The following CDC42BPA variants were observed in gnomAD, a reference collection of about 807,000 sequenced individuals.
CDC42BPA encodes the protein serine/threonine-protein kinase MRCK alpha.
In CDC42BPA, 80 loss-of-function variants were observed where a neutral mutation model predicts 223.5. The ratio of observed to expected loss-of-function variants is 0.36; its 90% CI spans 0.30 to 0.43. The LOEUF (loss-of-function observed/expected upper bound fraction) is 0.43. Ranked by LOEUF, CDC42BPA falls within the 20% of genes least tolerant of loss-of-function variation. The probability of loss-of-function intolerance (pLI) is 1.00; values close to 1 mark genes in which losing one functional copy is unlikely to be tolerated. For missense variants in CDC42BPA, 1,743 were observed against 2,099.9 expected, an observed-to-expected ratio of 0.83 and a Z score of 3.32; for synonymous variants, 694 against 718.6, an observed-to-expected ratio of 0.97 and a Z score of 0.55.
At chr1:227,288,675 G>T (rs1689191593) in intron 1 of CDC42BPA, among the ~76,000 whole-genome samples, 1 of 151,378 alleles carries the variant, frequency 6.6e-6, no homozygotes, top group African/African-American at 2.4e-5. Flanking sequence ...CAGCCTGGGT[G>T]ACAGACCAAG....
At position 227,047,910 on chromosome 1, in the gene CDC42BPA, A is replaced by G. The variant is rs1672778964; in HGVS notation, c.3093+17T>C. ...ATTTTTTTTGGAACACACTATGCTT[A>G]TAACTAGATTGAGTACCTTAGGTGG... On this transcript the variant is annotated intron_variant, in intron 23 of 36. Transcript: ENST00000366766. The G allele has an allele frequency of 2.0e-6, 3 of 1,499,192 alleles. No individual in the cohort carries two copies. The highest frequency in any genetic ancestry group is 2.8e-5 in the African/African-American group (2 of 72,426). 92.9% of individuals were successfully genotyped at this position (1,499,192 alleles called of 1,614,324 possible). A position where few individuals can be genotyped will look rare whatever the true frequency, so the allele number is the denominator to read the frequency against.
chr1:227,183,662 G>A (rs1482875272), intron 5 of CDC42BPA, among the ~76,000 whole-genome samples: 1 of 152,190 alleles, frequency 6.6e-6, no homozygotes, highest in African/African-American at 2.4e-5. Context: ...GAACACACAA[G>A]TACAGATTTT....
chr1:227,298,078 A>G (rs1691016166), intron 1 of CDC42BPA, among the ~76,000 whole-genome samples: 1 of 133,318 alleles, frequency 7.5e-6, no homozygotes, highest in African/African-American at 2.8e-5. Context: ...CAGTGTGACT[A>G]TATACAATGT....
chr1:227,035,594 T>C lies in CDC42BPA; in HGVS notation c.3213A>G (p.Ser1071=). Residue 1071 remains serine (S), a synonymous_variant, in exon 25 of 37, where the codon TCA becomes TCG. Transcript: ENST00000366766. The stretch of plus-strand genomic sequence containing the variant: ...CTTTGTTTACACAAGTTATATGGCA[T>C]GAGAATCCACACACTTTTAGAGGGA... The part of the protein sequence containing the change: ...QGCSCEVCGF[S]CHITCVNKAP... The C allele has an allele frequency of 6.3e-7, 1 of 1,590,256 alleles. No individual in the cohort carries two copies. Among genetic ancestry groups the C allele is most frequent in the Non-Finnish European group, 8.5e-7 (1 of 1,174,526 alleles).
chr1:227,180,612 A>G (rs1051715429), intron 5 of CDC42BPA: 4 of 152,192 alleles, frequency 2.6e-5, no homozygotes, highest in African/African-American at 9.6e-5. Flanking sequence ...AGGACACACA[A>G]TATCAGTTGG....
At chr1:227,259,924 T>C (rs959529261) in intron 1 of CDC42BPA, among the ~76,000 whole-genome samples, 1 of 150,578 alleles carries the variant, frequency 6.6e-6, no homozygotes, top group African/African-American at 2.5e-5. Context: ...ACAAAAAAAA[T>C]TGATTTGGTA....
In CDC42BPA at chr1:227,040,229, G is replaced by A; in HGVS notation, c.3101C>T (p.Thr1034Ile). The A allele has an allele frequency of 1.2e-6, 2 of 1,601,210 alleles. No individual in the cohort carries two copies. The highest frequency in any genetic ancestry group is 4.5e-5 in the East Asian group (2 of 44,706). The change falls in exon 24 of 37, where the codon ACT becomes ATT. Residue 1034 changes from threonine to isoleucine, a missense_variant. Transcript: ENST00000366766. ...AAAAGATTTTACAAAAAACTGGTGA[G>A]TCTTGCGCTGCAAAACAAATTGATA... ...GSTGFPPKRK[T>I]HQFFVKSFTT... is the part of the protein sequence containing the mutation.
chr1:227,273,995 C>CAAAAAAAAAA lies in CDC42BPA; in HGVS notation c.179-19850_179-19841dup, dbSNP rs10599884. 2.3e-3 allele frequency among the ~76,000 whole-genome samples: 132 copies of CAAAAAAAAAA among 57,008 alleles called. 10 individuals are homozygous for CAAAAAAAAAA. The highest frequency in any genetic ancestry group is 3.5e-3 in the Non-Finnish European group (110 of 31,204). 37.4% of individuals were successfully genotyped at this position (57,008 alleles called of 152,430 possible). On this transcript the variant is annotated intron_variant, in intron 1 of 36. Coordinates refer to ENST00000366766, the MANE Select transcript of CDC42BPA (RefSeq NM_001394014.1). ...ATAGTTTTCAAATATTCGTATACAC[C>CAAAAAAAAAA]AAAAAAAAAAAAAAAAAAAAAAAAA...
intron 6 of CDC42BPA, among the ~76,000 whole-genome samples, chr1:227,149,463 ACTGT>A (rs776871071): frequency 7.9e-5 from 12 of 152,176 alleles, no homozygotes; most frequent in African/African-American, 1.7e-4. Flanking sequence ...AAATGAGTAA[ACTGT>A]CTATTATGAG....
intron 30 of CDC42BPA, among the ~76,000 whole-genome samples, chr1:227,026,404 C>T (rs565264229): frequency 6.6e-6 from 1 of 152,286 alleles, no homozygotes; most frequent in South Asian, 2.1e-4. Flanking sequence ...CAGGGGTATA[C>T]TATTTCTTTG....
intron 10 of CDC42BPA, among the ~76,000 whole-genome samples, chr1:227,132,262 GC>G (rs1657281267): frequency 6.6e-6 from 1 of 152,112 alleles, no homozygotes; most frequent in South Asian, 2.1e-4. Context: ...GCCTCAGCCT[GC>G]CGAGTGCCTC....
chr1:227,123,644 A>C (rs1013962686), intron 11 of CDC42BPA, among the ~76,000 whole-genome samples: 1 of 152,262 alleles, frequency 6.6e-6, no homozygotes, highest in Admixed American at 6.5e-5. Flanking sequence ...GAACACTATA[A>C]ACTGGAAAGG....
chr1:227,190,418 C>T (rs7539540), intron 5 of CDC42BPA, among the ~76,000 whole-genome samples: 103,865 of 152,056 alleles, frequency 0.68, 35,697 homozygotes, highest in South Asian at 0.73. Context: ...CAGTGAATAG[C>T]ACAAAGAGTT....
At chr1:227,145,977 T>C (rs1660634614) in intron 7 of CDC42BPA, among the ~76,000 whole-genome samples, 1 of 152,154 alleles carries the variant, frequency 6.6e-6, no homozygotes, top group Non-Finnish European at 1.5e-5. Context: ...GAATACATTG[T>C]ACCTTAGATA....
rs768518291 is a variant in CDC42BPA at position 227,005,155 on chromosome 1, C to CT, written c.4858-45dup. 3.1e-6 allele frequency: 4 copies of CT among 1,287,904 alleles called. No homozygotes were observed. In the South Asian group the frequency reaches 3.6e-5, roughly 11 times the overall value. The allele number at this position is 1,287,904 out of a possible 1,614,324, so 79.8% of individuals were successfully genotyped here. ...GAGACATCCTTTAGCCAGAAAGAAA[C>CT]TGATTTTTCTGCAGAGATGTCTATT... On this transcript the variant is annotated intron_variant, in intron 34 of 36. Coordinates refer to ENST00000366766, the MANE Select transcript of CDC42BPA (RefSeq NM_001394014.1).
At chr1:227,198,999 T>A (rs1474798806) in intron 4 of CDC42BPA, among the ~76,000 whole-genome samples, 1 of 152,170 alleles carries the variant, frequency 6.6e-6, no homozygotes, top group African/African-American at 2.4e-5. Context: ...CCTCCCGCCT[T>A]GGCCTCCCAA....
chr1:227,145,397 TC>T, intron 8 of CDC42BPA, 91 bp downstream of exon 8: 2 of 1,089,732 alleles, frequency 1.8e-6, no homozygotes, highest in African/African-American at 3.2e-5. Context: ...TGTAAAATCA[TC>T]CTAGCAAAAT....
chr1:227,228,313 C>G (rs1020597181), intron 2 of CDC42BPA, among the ~76,000 whole-genome samples: 15 of 152,324 alleles, frequency 9.8e-5, no homozygotes, highest in African/African-American at 3.4e-4. Context: ...CTTTCACTCA[C>G]CATGTTTTCA....
intron 21 of CDC42BPA, among the ~76,000 whole-genome samples, chr1:227,054,686 T>G (rs1014570961): frequency 6.6e-6 from 1 of 152,166 alleles, no homozygotes; most frequent in South Asian, 2.1e-4. Context: ...CTGTCAAGTC[T>G]TATTCTCCTA....
Sources: gnomAD v4.1 joint callset for allele counts (sites outside exome capture counted in the v4.1 genomes callset) on GRCh38, gnomAD v4.1.1 for gene constraint, MANE v1.5 for transcripts, NCBI Gene and HGNC (gene_info 2026-07-23, HGNC 2026-07-21) for gene names.